The following ADGRL1 variants were observed in gnomAD, a reference collection of about 807,000 sequenced individuals.
ADGRL1 encodes CIRL-1.
A neutral mutation model predicts 148.9 loss-of-function variants in ADGRL1; 31 were observed. That is an observed-to-expected ratio of 0.21 (90% CI 0.16 to 0.28). The LOEUF (loss-of-function observed/expected upper bound fraction) is 0.28. Ranked by LOEUF, ADGRL1 falls within the 10% of genes least tolerant of loss-of-function variation. ADGRL1 has a pLI of 1.00. For synonymous variants in ADGRL1, 937 were observed against 900.3 expected, an observed-to-expected ratio of 1.04 and a Z score of -0.73; for missense variants, 1,521 against 2,058.8, an observed-to-expected ratio of 0.74 and a Z score of 5.05.
At chr19:14,198,586 C>T (rs1352984323) in intron 1 of ADGRL1, among the ~76,000 whole-genome samples, 1 of 152,102 alleles carries the variant, frequency 6.6e-6, no homozygotes, top group African/African-American at 2.4e-5. Context: ...TGGATCCTGA[C>T]GCAAACCCCC....
intron 4 of ADGRL1, chr19:14,168,691 C>T (rs1051309702): frequency 3.3e-5 from 5 of 152,140 alleles, no homozygotes; most frequent in African/African-American, 4.8e-5. Flanking sequence ...CCACCTGGAC[C>T]GAGGAATTTT....
At chr19:14,204,695 A>G (rs1972845472) in intron 1 of ADGRL1, among the ~76,000 whole-genome samples, 1 of 141,588 alleles carries the variant, frequency 7.1e-6, no homozygotes, top group Non-Finnish European at 1.5e-5. Context: ...AGAGAGAGAT[A>G]GAGAAAGACA....
At chr19:14,175,596 ACACT>A (rs1599465877) in intron 3 of ADGRL1, among the ~76,000 whole-genome samples, 2 of 151,678 alleles carry the variant, frequency 1.3e-5, no homozygotes, top group East Asian at 3.9e-4. Context: ...ACTCCAATAC[ACACT>A]CATACAGACA....
intron 1 of ADGRL1, among the ~76,000 whole-genome samples, chr19:14,190,389 TC>T (rs896508019): frequency 1.3e-5 from 2 of 152,172 alleles, no homozygotes; most frequent in African/African-American, 4.8e-5. Context: ...ACCTCAGCCT[TC>T]CGTGTAGCTG....
At chr19:14,182,995 G>C (rs1050855914) in intron 2 of ADGRL1, among the ~76,000 whole-genome samples, 11 of 152,152 alleles carry the variant, frequency 7.2e-5, no homozygotes, top group Non-Finnish European at 1.2e-4. Flanking sequence ...CCTTGCCCCC[G>C]GCCTGGGCTG....
chr19:14,171,476 T>C (rs1259357365), intron 3 of ADGRL1, among the ~76,000 whole-genome samples: 1 of 152,178 alleles, frequency 6.6e-6, no homozygotes, highest in African/African-American at 2.4e-5. Flanking sequence ...CTCATCTCTT[T>C]CATTGTGAGT....
At chr19:14,156,563 G>GT (rs1389015972) in intron 16 of ADGRL1, 95 bp downstream of exon 16, 4 of 823,884 alleles carry the variant, frequency 4.9e-6, no homozygotes, top group Non-Finnish European at 7.8e-6. Context: ...GTGTGTGTGT[G>GT]TGTGGGGGGG....
Position 14,151,070 on chromosome 19 carries a change from G to GGGGCC in ADGRL1, c.4212_4213insGGCCC (p.Pro1405GlyfsTer125). The GGGGCC allele has an allele frequency of 2.8e-6, 2 of 709,442 alleles. No homozygotes were observed. The highest frequency in any genetic ancestry group is 4.4e-6 in the Non-Finnish European group (2 of 459,084). 43.9% of individuals were successfully genotyped at this position (709,442 alleles called of 1,614,324 possible). On this transcript the variant is annotated frameshift_variant, in exon 23 of 23. Coordinates refer to ENST00000361434, the MANE Select transcript of ADGRL1 (RefSeq NM_014921.5). LOFTEE classifies it high-confidence loss of function. ...CCGGGGGGTGCGGGAGGGGGTGGGGGCAGGGCCTCACTGGGCCCCTCAGGG... is the reference window on the plus strand; with the variant it reads ...CCGGGGGGTGCGGGAGGGGGTGGGGGGGGCCCAGGGCCTCACTGGGCCCCTCAGGG...
In ADGRL1 at chr19:14,161,375, C is replaced by T. The variant is rs1353201605; in HGVS notation, c.1447G>A (p.Val483Ile). The T allele has an allele frequency of 3.2e-6, 5 of 1,581,260 alleles. No homozygotes were observed. The highest frequency in any genetic ancestry group is 3.4e-6 in the Non-Finnish European group (4 of 1,164,700). ...CCCTGCTGGGTGGCCGGCCACTGGA[C>T]CCGCCGTACCTCTCGGGGCTCGCAG... ...LFCEPREVRR[V>I]QWPATQQGML... The change falls in exon 6 of 23, where the codon GTC becomes ATC. Residue 483 changes from valine (V) to isoleucine (I), a missense_variant. By Grantham distance (29) the Val-to-Ile change is conservative. Coordinates refer to ENST00000361434, the MANE Select transcript of ADGRL1 (RefSeq NM_014921.5). This position sits in a 1 kb window ranked among gnomAD's most constrained non-coding sequence, Gnocchi z 4.4.
In ADGRL1 at chr19:14,156,927, C is replaced by G. The variant is rs1431259155; in HGVS notation, c.2964G>C (p.Lys988Asn). The G allele has an allele frequency of 1.9e-6, 3 of 1,609,564 alleles. No homozygotes were observed. The highest frequency in any genetic ancestry group is 8.5e-7 in the Non-Finnish European group (1 of 1,179,534). Residue 988 changes from lysine (K) to asparagine (N), a missense_variant and splice_region_variant, in exon 15 of 23, where the codon AAG becomes AAC. Lys to Asn is a moderately conservative substitution (Grantham distance 94). This residue lies in a region of ADGRL1 where 185 missense variants were observed against 251.7 expected (regional missense o/e 0.74). Transcript: ENST00000361434. Reference protein sequence around the residue: ...AIDYRSYGTEKACWLRVDNYF... With the variant: ...AIDYRSYGTENACWLRVDNYF... ...AGGGCTGGGAGGTGGAAACTCACGC[C>G]TTCTCGGTGCCGTAGCTGCGGTAGT... is the stretch of plus-strand genomic sequence containing the variant.
chr19:14,204,279 G>C (rs181585127), intron 1 of ADGRL1, among the ~76,000 whole-genome samples: 2 of 152,260 alleles, frequency 1.3e-5, no homozygotes, highest in East Asian at 1.9e-4. Context: ...GGGGAGCAGG[G>C]AGGAAGGAGA....
Position 14,148,673 on chromosome 19 carries a change from CTTCACCCATGGTCTTCTGGTG to C in ADGRL1, c.*2179_*2199del, listed in dbSNP as rs1373240225. 1 of 152,808 alleles carries C rather than the reference CTTCACCCATGGTCTTCTGGTG, an allele frequency of 6.5e-6. No individual in the cohort carries two copies. The highest frequency in any genetic ancestry group is 1.5e-5 in the Non-Finnish European group (1 of 68,150). The allele number at this position is 152,808 out of a possible 1,614,324, so 9.5% of individuals were successfully genotyped here. ...GCCTCACTTCTCCTCCCCATCTAGACTTCACCCATGGTCTTCTGGTGTAATGGGTTAGGCCTTTCTACCAGA... is the reference window on the plus strand; with the variant it reads ...GCCTCACTTCTCCTCCCCATCTAGACTAATGGGTTAGGCCTTTCTACCAGA... On this transcript the variant is annotated 3_prime_UTR_variant, in exon 23 of 23. Transcript: ENST00000361434.
rs200771495 is a variant in ADGRL1, at chr19:14,151,146, G to C, written c.4137C>G (p.Leu1379=). 893 of 1,601,780 alleles carry C rather than the reference G, an allele frequency of 5.6e-4. 3 individuals are homozygous for C. The highest frequency in any genetic ancestry group is 6.7e-4 in the Non-Finnish European group (790 of 1,175,570). Residue 1379 remains leucine, a synonymous_variant, in exon 23 of 23, where the codon CTC becomes CTG. Coordinates refer to ENST00000361434, the MANE Select transcript of ADGRL1 (RefSeq NM_014921.5). ...CCCGCAGGTTGGCCCCGCTGGCATA[G>C]AGGGAGTCCCGGCCAGGAGGGGAGG... is the stretch of plus-strand genomic sequence containing the variant. ...PLSSPPGRDS[L]YASGANLRDS... is the part of the protein sequence containing the mutation.
At position 14,155,374 on chromosome 19, in the gene ADGRL1, G is replaced by A. The variant is rs770806298; in HGVS notation, c.3279C>T (p.Cys1093=). Residue 1093 remains cysteine (C), a synonymous_variant, in exon 18 of 23, where the codon TGC becomes TGT. Coordinates refer to ENST00000361434, the MANE Select transcript of ADGRL1 (RefSeq NM_014921.5). This position sits in a 1 kb window ranked among gnomAD's most constrained non-coding sequence, Gnocchi z 5.0. ...FQGVFIFVFH[C]ALQKKVHKEY... The stretch of plus-strand genomic sequence containing the variant: ...TCGACCTCACCTTCTTCTGTAAGGC[G>A]CAGTGAAAGACGAAGATGAAGACCC... 3.7e-6 allele frequency: 6 copies of A among 1,613,762 alleles called. No homozygotes were observed. Among genetic ancestry groups the A allele is most frequent in the East Asian group, 4.5e-5 (2 of 44,888 alleles).
chr19:14,161,940 C>T lies in ADGRL1; in HGVS notation c.1196-314G>A, dbSNP rs1039602584. ...GGGACAGGAATCCTCCCAGGTTGAG[C>T]CCGAGGGCAGGAGCCCTCCCCAATC... On this transcript the variant is annotated intron_variant, in intron 5 of 22. Transcript: ENST00000361434. This position sits in a 1 kb window ranked among gnomAD's most constrained non-coding sequence, Gnocchi z 4.4. Among the ~76,000 whole-genome samples the T allele has an allele frequency of 1.3e-5, 2 of 152,108 alleles. No individual in the cohort carries two copies. The highest frequency in any genetic ancestry group is 6.5e-5 in the Admixed American group (1 of 15,286).
intron 1 of ADGRL1, among the ~76,000 whole-genome samples, chr19:14,190,453 G>A (rs1342001500): frequency 6.6e-6 from 1 of 152,004 alleles, no homozygotes; most frequent in Non-Finnish European, 1.5e-5. Context: ...TTTTTGTGGA[G>A]ACAGGGTCTT....
intron 1 of ADGRL1, among the ~76,000 whole-genome samples, chr19:14,195,428 C>A (rs1421172465): frequency 4.3e-5 from 6 of 140,734 alleles, no homozygotes; most frequent in Non-Finnish European, 7.5e-5. Context: ...CCATGGCAAC[C>A]CTCTGCGTGC....
Position 14,157,207 on chromosome 19 carries a change from G to A in ADGRL1, c.2745+44C>T, listed in dbSNP as rs1830775233. ...GACAGGTGTCCCCCTTCTTCTCCCG[G>A]CCCCCAGGCGCTGGCCGTCACCTGC... On this transcript the variant is annotated intron_variant, in intron 14 of 22. Transcript: ENST00000361434. This position sits in a 1 kb window ranked among gnomAD's most constrained non-coding sequence, Gnocchi z 7.5. The A allele has an allele frequency of 1.2e-6, 2 of 1,612,814 alleles. No individual in the cohort carries two copies. The highest frequency in any genetic ancestry group is 1.3e-5 in the African/African-American group (1 of 74,870).
chr19:14,156,615 A>T, intron 16 of ADGRL1, 43 bp downstream of exon 16: 1 of 1,552,122 alleles, frequency 6.4e-7, no homozygotes, highest in Non-Finnish European at 8.8e-7. Context: ...GCCAGCCTGG[A>T]TGAAGGAAGA....
Sources: allele counts gnomAD v4.1 joint callset (sites outside exome capture counted in the v4.1 genomes callset), GRCh38; gene constraint gnomAD v4.1.1; regional missense constraint gnomAD v4.1.1; non-coding constraint Gnocchi (gnomAD v3.1); transcripts MANE v1.5; gene names NCBI Gene and HGNC (gene_info 2026-07-23, HGNC 2026-07-21).